The following UBE2D3 variants were observed in gnomAD, a reference collection of about 807,000 sequenced individuals.
UBE2D3 encodes ubiquitin conjugating enzyme E2 D3.
Under a neutral mutation model 22.8 loss-of-function variants are expected in UBE2D3, and 2 were observed. The ratio of observed to expected loss-of-function variants is 0.09; its 90% CI spans 0.04 to 0.28. UBE2D3 has a LOEUF of 0.28. Among genes scored for constraint, UBE2D3 ranks in the 10% least tolerant of loss-of-function variants. The probability of loss-of-function intolerance (pLI) is 1.00; values close to 1 mark genes in which losing one functional copy is unlikely to be tolerated. For missense variants in UBE2D3, 27 were observed against 182.5 expected (o/e 0.15, Z 4.91); for synonymous variants, 56 against 60.4 (o/e 0.93, Z 0.34).
intron 5 of UBE2D3, 133 bp from the exon 6 acceptor site, chr4:102,801,692 A>T (rs1726174718): frequency 1.4e-6 from 1 of 713,512 alleles, no homozygotes; most frequent in East Asian, 3.0e-5. Flanking sequence ...ATAGAAACTG[A>T]TTTTTACAAT....
chr4:102,802,767 T>G (rs983394950), intron 4 of UBE2D3, 129 bp from the exon 5 acceptor site: 1 of 578,724 alleles, frequency 1.7e-6, no homozygotes. Flanking sequence ...AAATAATCTA[T>G]TCCATGAAAA....
upstream of UBE2D3, among the ~76,000 whole-genome samples, chr4:102,830,438 G>T (rs1434141823): frequency 6.6e-6 from 1 of 152,132 alleles, no homozygotes; most frequent in Non-Finnish European, 1.5e-5. Flanking sequence ...GTACAAAAAT[G>T]TTGAAAATTT....
At chr4:102,829,626 C>T (rs999592638), upstream of UBE2D3, among the ~76,000 whole-genome samples, 5 of 152,156 alleles carry the variant, frequency 3.3e-5, no homozygotes, top group African/African-American at 1.2e-4. Context: ...ACCAGTCAGA[C>T]ATTAACTGGC....
chr4:102,806,844 C>T (rs1727129491), intron 4 of UBE2D3, among the ~76,000 whole-genome samples: 1 of 152,130 alleles, frequency 6.6e-6, no homozygotes, highest in African/African-American at 2.4e-5. Context: ...GCCCCCCTCC[C>T]CAAAAAAACC....
chr4:102,802,704 G>C (rs1427055670), intron 4 of UBE2D3, 66 bp from the exon 5 acceptor site: 2 of 1,299,554 alleles, frequency 1.5e-6, no homozygotes, highest in South Asian at 2.8e-5. Flanking sequence ...CGTAACATTT[G>C]TTTCCAAGCA....
At chr4:102,850,960 A>G (rs1288738048) in intron 1 of UBE2D3, among the ~76,000 whole-genome samples, 1 of 152,064 alleles carries the variant, frequency 6.6e-6, no homozygotes, top group Non-Finnish European at 1.5e-5. Context: ...GTGAGGGATA[A>G]AAGACTACGC....
At chr4:102,821,544 T>A (rs1036737152) in intron 2 of UBE2D3, among the ~76,000 whole-genome samples, 1 of 152,002 alleles carries the variant, frequency 6.6e-6, no homozygotes, top group African/African-American at 2.4e-5. Flanking sequence ...ACCTAGAAAA[T>A]TTTCAAAATT....
At chr4:102,832,505 C>G (rs1048036681), upstream of UBE2D3, among the ~76,000 whole-genome samples, 1 of 151,850 alleles carries the variant, frequency 6.6e-6, no homozygotes, top group Non-Finnish European at 1.5e-5. Flanking sequence ...GAAGCATGTG[C>G]CCAAAGTATG....
At chr4:102,834,345 G>A (rs930580351) in intron 1 of UBE2D3, among the ~76,000 whole-genome samples, 13 of 152,094 alleles carry the variant, frequency 8.5e-5, no homozygotes, top group African/African-American at 2.4e-4. Context: ...GCAGCTAGCA[G>A]GGAAACCATG....
intron 2 of UBE2D3, among the ~76,000 whole-genome samples, chr4:102,823,157 A>C (rs1729898823): frequency 6.6e-6 from 1 of 152,218 alleles, no homozygotes; most frequent in East Asian, 1.9e-4. Flanking sequence ...AACTACTGTA[A>C]TAGATAATAC....
At chr4:102,837,678 G>A (rs1478406288) in intron 1 of UBE2D3, among the ~76,000 whole-genome samples, 4 of 152,194 alleles carry the variant, frequency 2.6e-5, no homozygotes, top group East Asian at 3.9e-4. Flanking sequence ...TCGGCTGGGC[G>A]CAGTGGCTCA....
At chr4:102,839,769 A>G (rs1731636672) in intron 1 of UBE2D3, among the ~76,000 whole-genome samples, 1 of 152,244 alleles carries the variant, frequency 6.6e-6, no homozygotes, top group African/African-American at 2.4e-5. Context: ...CCTCAAAAGC[A>G]CAAACAGCAA....
chr4:102,801,358 C>T (rs1578221437), intron 6 of UBE2D3, 96 bp downstream of exon 6: 4 of 1,076,600 alleles, frequency 3.7e-6, no homozygotes, highest in Non-Finnish European at 5.3e-6. Context: ...CATCTCTTAC[C>T]AAAAAGCTGC....
At chr4:102,836,296 G>A (rs1309597435) in intron 1 of UBE2D3, among the ~76,000 whole-genome samples, 3 of 151,652 alleles carry the variant, frequency 2.0e-5, no homozygotes, top group Non-Finnish European at 2.9e-5. Context: ...ATAGGCACTC[G>A]CCACCACGCC....
chr4:102,856,979 CAT>C (rs1210407410), intron 1 of UBE2D3, among the ~76,000 whole-genome samples: 3 of 152,152 alleles, frequency 2.0e-5, no homozygotes, highest in Admixed American at 6.5e-5. Context: ...ATGGTGGACA[CAT>C]GACACTATGC....
At chr4:102,804,576 T>C (rs1726730820) in intron 4 of UBE2D3, among the ~76,000 whole-genome samples, 1 of 152,236 alleles carries the variant, frequency 6.6e-6, no homozygotes, top group South Asian at 2.1e-4. Flanking sequence ...TTTGAATAGA[T>C]GCTTCAAATA....
chr4:102,846,355 C>T (rs1732041354), intron 1 of UBE2D3, among the ~76,000 whole-genome samples: 1 of 152,150 alleles, frequency 6.6e-6, no homozygotes, highest in Non-Finnish European at 1.5e-5. Flanking sequence ...GCATTTTGGC[C>T]ATCTTATTTA....
intron 2 of UBE2D3, chr4:102,825,583 G>C (rs769544730): frequency 7.3e-5 from 88 of 1,207,526 alleles, no homozygotes; most frequent in Middle Eastern, 2.4e-4. Context: ...TAAACCACCG[G>C]AGGTGGAGGT....
At position 102,827,535 on chromosome 4, in the gene UBE2D3, T is replaced by G. The variant is rs1730777448; in HGVS notation, c.-237A>C. The G allele has an allele frequency of 1.0e-6, 1 of 986,032 alleles. No individual in the cohort carries two copies. Among genetic ancestry groups the G allele is most frequent in the Non-Finnish European group, 1.2e-6 (1 of 830,146 alleles). The allele number at this position is 986,032 out of a possible 1,614,324, so 61.1% of individuals were successfully genotyped here. A position where few individuals can be genotyped will look rare whatever the true frequency, so the allele number is the denominator to read the frequency against. The stretch of plus-strand genomic sequence containing the variant: ...ACGCGCACGACACAGCCACAAGATG[T>G]CCGCTCTGACGGAACTACTGCCAGC... On this transcript the variant is annotated 5_prime_UTR_variant, in exon 1 of 8. Coordinates refer to ENST00000453744, the MANE Select transcript of UBE2D3 (RefSeq NM_181891.3).
Sources: gnomAD v4.1 joint callset for allele counts (sites outside exome capture counted in the v4.1 genomes callset) on GRCh38, gnomAD v4.1.1 for gene constraint, MANE v1.5 for transcripts, NCBI Gene and HGNC (gene_info 2026-07-23, HGNC 2026-07-21) for gene names.